ARHGAP29: variants seen among roughly 807,000 people sequenced by gnomAD.
ARHGAP29 encodes rho GTPase-activating protein 29.
Under a neutral mutation model 122.6 loss-of-function variants are expected in ARHGAP29, and 43 were observed. The observed-to-expected ratio is 0.35, with a 90% CI of 0.27 to 0.45. The LOEUF is 0.45. Ranked by LOEUF, ARHGAP29 falls within the 20% of genes least tolerant of loss-of-function variation. ARHGAP29 has a pLI of 1.00. For missense variants in ARHGAP29, 1,303 were observed against 1,477.2 expected (o/e 0.88, Z 1.93); for synonymous variants, 506 against 497.1 (o/e 1.02, Z -0.24).
intron 13 of ARHGAP29, among the ~76,000 whole-genome samples, 194 bp downstream of exon 13, chr1:94,189,732 T>C (rs1405736877): frequency 6.6e-6 from 1 of 152,150 alleles, no homozygotes; most frequent in Non-Finnish European, 1.5e-5. Flanking sequence ...TGTGTCAAAA[T>C]GGAAAGGCTC....
chr1:94,204,047 T>C, intron 7 of ARHGAP29, 53 bp from the exon 8 acceptor site: 1 of 1,422,376 alleles, frequency 7.0e-7, no homozygotes, highest in Non-Finnish European at 9.9e-7. Context: ...TTTTTCCCCC[T>C]GTATACTCTA....
In ARHGAP29 at chr1:94,174,052, G is replaced by C; in HGVS notation, c.3603C>G (p.Leu1201=). 6.2e-7 allele frequency: 1 copy of C among 1,614,154 alleles called. No individual in the cohort carries two copies. Among genetic ancestry groups the C allele is most frequent in the Non-Finnish European group, 8.5e-7 (1 of 1,180,022 alleles). The part of the protein sequence containing the change: ...PPGTDHDPHG[L]VVKSMPDPDK... ...CTGGGTCTGGCATTGACTTCACCAC[G>C]AGACCGTGGGGATCGTGATCTGTGC... The change falls in exon 23 of 23, where the codon CTC becomes CTG. Residue 1201 remains leucine, a synonymous_variant. Transcript: ENST00000260526.
chr1:94,229,013 A>G (rs1407497550), intron 2 of ARHGAP29, among the ~76,000 whole-genome samples: 35 of 151,872 alleles, frequency 2.3e-4, no homozygotes, highest in Non-Finnish European at 1.5e-4. Context: ...ACAATGCCAA[A>G]AATATGGCAT....
chr1:94,235,211 G>GA (rs1315320821), intron 1 of ARHGAP29, among the ~76,000 whole-genome samples: 1 of 152,014 alleles, frequency 6.6e-6, no homozygotes, highest in Admixed American at 6.5e-5. Context: ...CATTACAATT[G>GA]AAAAAACGTT....
At chr1:94,242,006 T>A (rs1042017701), upstream of ARHGAP29, among the ~76,000 whole-genome samples, 1 of 151,856 alleles carries the variant, frequency 6.6e-6, no homozygotes, top group East Asian at 1.9e-4. Context: ...TTCCAGGAGA[T>A]TGGAGTTGCC....
chr1:94,300,119 T>A, the ARHGAP29 span, among the ~76,000 whole-genome samples: 1 of 152,200 alleles, frequency 6.6e-6, no homozygotes, highest in African/African-American at 2.4e-5. Context: ...CACCTGTACT[T>A]CTTCCTTCTT....
At chr1:94,269,394 A>G (rs1030182128) in intron 1 of ARHGAP29, among the ~76,000 whole-genome samples, 5 of 152,196 alleles carry the variant, frequency 3.3e-5, no homozygotes, top group African/African-American at 1.2e-4. Context: ...TGACAACAGG[A>G]TGCTAAAGGA....
At position 94,207,562 on chromosome 1, in the gene ARHGAP29, A is replaced by G. The variant is rs569819278; in HGVS notation, c.510+1270T>C. ...GTTCAGTGTCTTGCCACACAGATAA[A>G]ATGTGTAATCTTCTGAAGTAGTAGC... On this transcript the variant is annotated intron_variant, in intron 5 of 22. Coordinates refer to ENST00000260526, the MANE Select transcript of ARHGAP29 (RefSeq NM_004815.4). 2.0e-5 allele frequency among the ~76,000 whole-genome samples: 3 copies of G among 152,160 alleles called. No individual in the cohort carries two copies. In the East Asian group the frequency reaches 5.8e-4, roughly 29 times the overall value.
the ARHGAP29 span, among the ~76,000 whole-genome samples, chr1:94,280,136 A>G: frequency 1.1e-4 from 17 of 152,112 alleles, no homozygotes; most frequent in South Asian, 3.3e-3. Flanking sequence ...AAATTTCTTT[A>G]CTTCTTAATG....
intron 1 of ARHGAP29, among the ~76,000 whole-genome samples, chr1:94,261,525 C>T (rs945354539): frequency 3.9e-5 from 6 of 152,176 alleles, no homozygotes; most frequent in African/African-American, 9.6e-5. Context: ...TTGACCTGAA[C>T]GCTCCTTAAG....
intron 1 of ARHGAP29, among the ~76,000 whole-genome samples, chr1:94,270,564 G>A (rs1421109759): frequency 2.0e-5 from 3 of 152,130 alleles, no homozygotes; most frequent in Admixed American, 2.0e-4. Flanking sequence ...GCACCAGAGG[G>A]CCAAGTAAAT....
chr1:94,285,752 G>A, the ARHGAP29 span, among the ~76,000 whole-genome samples: 40 of 151,930 alleles, frequency 2.6e-4, no homozygotes, highest in Admixed American at 2.1e-3. Context: ...GCATGTGCCT[G>A]TAATCCCAGC....
At chr1:94,198,820 T>C (rs946897060) in intron 12 of ARHGAP29, among the ~76,000 whole-genome samples, 1 of 152,232 alleles carries the variant, frequency 6.6e-6, no homozygotes, top group Non-Finnish European at 1.5e-5. Context: ...GCAAGAGTTT[T>C]TTGGAGATAT....
chr1:94,265,145 T>A (rs1388556118), intron 1 of ARHGAP29, among the ~76,000 whole-genome samples: 4 of 152,232 alleles, frequency 2.6e-5, no homozygotes, highest in Non-Finnish European at 5.9e-5. Context: ...TCCCTACTTC[T>A]GTTAGGTCCT....
At position 94,201,708 on chromosome 1, in the gene ARHGAP29, G is replaced by T. The variant is rs369184215; in HGVS notation, c.1281+12C>A. 1.2e-4 allele frequency: 186 copies of T among 1,612,946 alleles called. No individual in the cohort carries two copies. The highest frequency in any genetic ancestry group is 3.3e-4 in the Admixed American group (20 of 59,858). On this transcript the variant is annotated intron_variant, in intron 12 of 22. Coordinates refer to ENST00000260526, the MANE Select transcript of ARHGAP29 (RefSeq NM_004815.4). ...TTCTTCTTGCCTTCAAAATACTGAA[G>T]AAATTACTTACAGCTTTAAGGGTAA...
the ARHGAP29 span, among the ~76,000 whole-genome samples, chr1:94,309,093 C>T: frequency 7.2e-5 from 11 of 152,276 alleles, no homozygotes; most frequent in Admixed American, 3.3e-4. Context: ...GCTCTTGTTG[C>T]GGGGGCGCCC....
Position 94,169,239 on chromosome 1 carries a change from G to T in ARHGAP29, c.*4630C>A, listed in dbSNP as rs2101273709. ...TCTCTCTTCCAGCCAGATGACAGGA[G>T]CCTAGGATTCCAATGGTGTGCTCAG... On this transcript the variant is annotated 3_prime_UTR_variant, in exon 23 of 23. Transcript: ENST00000260526. Among the ~76,000 whole-genome samples the T allele has an allele frequency of 6.6e-6, 1 of 152,314 alleles. No individual in the cohort carries two copies. The highest frequency in any genetic ancestry group is 1.9e-4 in the East Asian group (1 of 5,188).
chr1:94,205,833 G>A, intron 5 of ARHGAP29, 150 bp from the exon 6 acceptor site: 1 of 641,042 alleles, frequency 1.6e-6, no homozygotes, highest in Non-Finnish European at 2.7e-6. Flanking sequence ...GTCTGTTTAA[G>A]TGCCAGAACA....
upstream of ARHGAP29, among the ~76,000 whole-genome samples, chr1:94,277,507 T>G (rs892719017): frequency 1.3e-5 from 2 of 152,090 alleles, no homozygotes; most frequent in Non-Finnish European, 2.9e-5. Context: ...AAAAAGTATA[T>G]GTAAGGAGTA....
Sources: gnomAD v4.1 joint callset for allele counts (sites outside exome capture counted in the v4.1 genomes callset) on GRCh38, gnomAD v4.1.1 for gene constraint, MANE v1.5 for transcripts, NCBI Gene and HGNC (gene_info 2026-07-23, HGNC 2026-07-21) for gene names.